SMPD3: variants seen among roughly 807,000 people sequenced by gnomAD.
SMPD3 encodes sphingomyelin phosphodiesterase 3.
SMPD3 carries 21 observed loss-of-function variants against 55.7 expected under a neutral mutation model. The observed-to-expected ratio is 0.38, with a 90% CI of 0.27 to 0.54. The LOEUF is 0.54. SMPD3 is among the 20% of genes least tolerant of loss of function. The probability of loss-of-function intolerance (pLI) is 0.80; values close to 1 mark genes in which losing one functional copy is unlikely to be tolerated. For missense variants in SMPD3, 842 were observed against 899.6 expected, an observed-to-expected ratio of 0.94 and a Z score of 0.82; for synonymous variants, 457 against 404.3, an observed-to-expected ratio of 1.13 and a Z score of -1.56.
chr16:68,374,683 A>C (rs2089763902), intron 2 of SMPD3, among the ~76,000 whole-genome samples: 1 of 152,192 alleles, frequency 6.6e-6, no homozygotes, highest in Non-Finnish European at 1.5e-5. Context: ...AAACCTGCAG[A>C]GGGAGCGACA....
intron 1 of SMPD3, among the ~76,000 whole-genome samples, chr16:68,403,630 A>G (rs1390306836): frequency 6.6e-6 from 1 of 152,210 alleles, no homozygotes; most frequent in African/African-American, 2.4e-5. Context: ...TAACCATTTT[A>G]GAAGTGGATT....
intron 1 of SMPD3, among the ~76,000 whole-genome samples, chr16:68,431,826 G>A (rs189944584): frequency 1.1e-3 from 173 of 152,312 alleles, no homozygotes; most frequent in Admixed American, 2.1e-3. Flanking sequence ...GGAGGCTGGG[G>A]CAGGAGAATG....
In SMPD3 at chr16:68,364,945, G is replaced by GC. The variant is rs370436138; in HGVS notation, c.1400-40dup. The GC allele has an allele frequency of 3.3e-4, 530 of 1,612,784 alleles. 5 individuals are homozygous for GC. The African/African-American group carries it at 6.0e-3, about 18-fold the overall frequency. On this transcript the variant is annotated intron_variant, in intron 4 of 8. Coordinates refer to ENST00000219334, the MANE Select transcript of SMPD3 (RefSeq NM_018667.4). ...GTACAGAGACTGGATGATGAAGTTC[G>GC]CCCCAGACCCCAGCTAGGCCCCAGG...
intron 2 of SMPD3, among the ~76,000 whole-genome samples, chr16:68,379,350 A>C (rs1248335836): frequency 6.6e-6 from 1 of 152,240 alleles, no homozygotes; most frequent in Non-Finnish European, 1.5e-5. Context: ...ACTGTGCCTT[A>C]GTTTCCTCAC....
chr16:68,400,738 G>T (rs539773773), intron 1 of SMPD3, among the ~76,000 whole-genome samples: 103 of 152,274 alleles, frequency 6.8e-4, no homozygotes, highest in African/African-American at 2.4e-3. Context: ...CCCGACAAAG[G>T]TGCCTAGACA....
chr16:68,383,196 A>G (rs1479044061), intron 2 of SMPD3, among the ~76,000 whole-genome samples: 1 of 152,192 alleles, frequency 6.6e-6, no homozygotes, highest in African/African-American at 2.4e-5. Context: ...TACACTGTGC[A>G]GAGCAAGCTG....
intron 1 of SMPD3, among the ~76,000 whole-genome samples, chr16:68,402,914 G>C (rs971678218): frequency 2.0e-5 from 3 of 152,218 alleles, no homozygotes; most frequent in Non-Finnish European, 4.4e-5. Context: ...GGGCTTGTTG[G>C]GCCTGAGATG....
chr16:68,364,811 C>T lies in SMPD3; in HGVS notation c.1495G>A (p.Glu499Lys), dbSNP rs199695897. The T allele has an allele frequency of 6.9e-5, 111 of 1,613,766 alleles. No individual in the cohort carries two copies. Among genetic ancestry groups the T allele is most frequent in the Non-Finnish European group, 8.4e-5 (99 of 1,180,036 alleles). Residue 499 changes from glutamate (E) to lysine (K), a missense_variant, in exon 5 of 9, where the codon GAG becomes AAG. Coordinates refer to ENST00000219334, the MANE Select transcript of SMPD3 (RefSeq NM_018667.4). ...STSSSSAANP[E>K]ELVAFDVVCG... The stretch of plus-strand genomic sequence containing the variant: ...ACGACGTCAAATGCCACCAGCTCCT[C>T]GGGGTTGGCTGCGCTGGACGAGGAG...
At chr16:68,419,779 T>A (rs1015577399) in intron 1 of SMPD3, among the ~76,000 whole-genome samples, 3 of 152,078 alleles carry the variant, frequency 2.0e-5, no homozygotes, top group Non-Finnish European at 4.4e-5. Context: ...ACTCCTAAAA[T>A]GAGTATAATG....
chr16:68,423,127 C>T (rs560638263), intron 1 of SMPD3, among the ~76,000 whole-genome samples: 1 of 152,326 alleles, frequency 6.6e-6, no homozygotes, highest in South Asian at 2.1e-4. Flanking sequence ...GTAATTGGTT[C>T]AAGTTAGCAT....
chr16:68,427,926 G>T (rs1357466354), intron 1 of SMPD3, among the ~76,000 whole-genome samples: 2 of 152,176 alleles, frequency 1.3e-5, no homozygotes, highest in Non-Finnish European at 2.9e-5. Flanking sequence ...CTTGTTCCCT[G>T]TGCTCGAGAC....
chr16:68,419,008 G>A (rs987716092), intron 1 of SMPD3, among the ~76,000 whole-genome samples: 3 of 152,172 alleles, frequency 2.0e-5, no homozygotes, highest in African/African-American at 7.2e-5. Flanking sequence ...AGAGAGTGTG[G>A]CATGAGGGCA....
At chr16:68,396,540 T>C (rs2090158797) in intron 1 of SMPD3, among the ~76,000 whole-genome samples, 1 of 152,142 alleles carries the variant, frequency 6.6e-6, no homozygotes, top group African/African-American at 2.4e-5. Flanking sequence ...CTCTAAAGCT[T>C]CCAACCCCCT....
chr16:68,389,275 A>C (rs2090090151), intron 1 of SMPD3, among the ~76,000 whole-genome samples: 1 of 152,154 alleles, frequency 6.6e-6, no homozygotes, highest in South Asian at 2.1e-4. Context: ...GGTCCCAAGC[A>C]CGCTCCTGCC....
intron 3 of SMPD3, chr16:68,370,341 CAG>C (rs2089620699): frequency 6.4e-6 from 1 of 156,876 alleles, no homozygotes; most frequent in Non-Finnish European, 1.4e-5. Context: ...CTAGTGGCCT[CAG>C]TGAGCCAGGC....
chr16:68,388,449 G>A (rs1406037007), intron 1 of SMPD3, among the ~76,000 whole-genome samples: 1 of 152,166 alleles, frequency 6.6e-6, no homozygotes, highest in Non-Finnish European at 1.5e-5. Flanking sequence ...CAAGCATCTG[G>A]CATTAGACAT....
rs577479798 is a variant in SMPD3 at position 68,432,115 on chromosome 16, CAAAAA to C, written c.-269+16233_-269+16237del. ...GGTGGCACAGCAAGACTCTGTCTCGCAAAAAAAAAAAAGAAAAGAAAAAAAAGTAA... is the reference window on the plus strand; with the variant it reads ...GGTGGCACAGCAAGACTCTGTCTCGCAAAAAAAGAAAAGAAAAAAAAGTAA... On this transcript the variant is annotated intron_variant, in intron 1 of 8. Transcript: ENST00000219334. Among the ~76,000 whole-genome samples, 3 of 143,998 alleles carry C rather than the reference CAAAAA, an allele frequency of 2.1e-5. No individual in the cohort carries two copies. In the East Asian group the frequency reaches 5.9e-4, roughly 28 times the overall value. 94.5% of individuals were successfully genotyped at this position (143,998 alleles called of 152,430 possible).
intron 7 of SMPD3, among the ~76,000 whole-genome samples, chr16:68,362,974 C>T (rs1597584732): frequency 6.6e-6 from 1 of 152,214 alleles, no homozygotes; most frequent in Non-Finnish European, 1.5e-5. Context: ...TGCTGTTGGC[C>T]TCTCAGATGT....
In SMPD3 at chr16:68,360,472, A is replaced by C. The variant is rs918187263; in HGVS notation, c.*734T>G. The stretch of plus-strand genomic sequence containing the variant: ...AGACTCTGTTGTGCCTGAGCTGGGG[A>C]AGGGACCCTGTCTCGGGAAGAGCAA... On this transcript the variant is annotated 3_prime_UTR_variant, in exon 9 of 9. Transcript: ENST00000219334. 6.6e-6 allele frequency: 1 copy of C among 152,394 alleles called. No homozygotes were observed. The highest frequency in any genetic ancestry group is 6.5e-5 in the Admixed American group (1 of 15,276). The allele number at this position is 152,394 out of a possible 1,614,324, so 9.4% of individuals were successfully genotyped here.
Sources: allele counts gnomAD v4.1 joint callset (sites outside exome capture counted in the v4.1 genomes callset), GRCh38; gene constraint gnomAD v4.1.1; transcripts MANE v1.5; gene names NCBI Gene and HGNC (gene_info 2026-07-23, HGNC 2026-07-21).